SPPL3: variants seen among roughly 807,000 people sequenced by gnomAD.
SPPL3 encodes the protein signal peptide peptidase-like 3.
Under a neutral mutation model 42.4 loss-of-function variants are expected in SPPL3, and 5 were observed. The observed-to-expected ratio is 0.12, with a 90% confidence interval of 0.06 to 0.25. The LOEUF is 0.25. Among genes scored for constraint, SPPL3 ranks in the 10% least tolerant of loss-of-function variants. The pLI is 1.00. For missense variants in SPPL3, 235 were observed against 489.0 expected, an observed-to-expected ratio of 0.48 and a Z score of 4.90; for synonymous variants, 195 against 181.8, an observed-to-expected ratio of 1.07 and a Z score of -0.58.
At chr12:120,800,896 G>A (rs1870273451) in intron 2 of SPPL3, among the ~76,000 whole-genome samples, 2 of 152,366 alleles carry the variant, frequency 1.3e-5, no homozygotes, top group South Asian at 2.1e-4. Context: ...GTGCTTTACA[G>A]GCAAGGTTTC....
At chr12:120,808,979 C>T (rs1870591717) in intron 2 of SPPL3, among the ~76,000 whole-genome samples, 1 of 152,176 alleles carries the variant, frequency 6.6e-6, no homozygotes, top group Non-Finnish European at 1.5e-5. Context: ...TGATAAGGTT[C>T]TAAGTTCCTC....
intron 1 of SPPL3, among the ~76,000 whole-genome samples, chr12:120,813,671 A>T (rs1247929888): frequency 3.6e-5 from 4 of 112,004 alleles, no homozygotes; most frequent in Admixed American, 3.1e-4. Context: ...TGGGTATGTT[A>T]AAAAAAAAAT....
chr12:120,795,588 C>T (rs1038445682), intron 2 of SPPL3, among the ~76,000 whole-genome samples: 3 of 152,108 alleles, frequency 2.0e-5, no homozygotes, highest in Non-Finnish European at 2.9e-5. Context: ...TGACATCACC[C>T]TCATCTTTTC....
At chr12:120,843,047 T>C (rs1223494617) in intron 1 of SPPL3, among the ~76,000 whole-genome samples, 6 of 152,144 alleles carry the variant, frequency 3.9e-5, no homozygotes, top group Admixed American at 3.9e-4. Flanking sequence ...GTAGACTCAG[T>C]TAGTTAGTAT....
intron 3 of SPPL3, among the ~76,000 whole-genome samples, chr12:120,785,056 G>T (rs926028914): frequency 1.3e-5 from 2 of 152,128 alleles, no homozygotes; most frequent in Non-Finnish European, 2.9e-5. Flanking sequence ...GAACTGACTT[G>T]GCTGATGGGG....
intron 1 of SPPL3, chr12:120,845,775 A>G (rs1470690371): frequency 5.0e-6 from 1 of 201,036 alleles, no homozygotes; most frequent in East Asian, 1.2e-4. Context: ...ACAGCAACTT[A>G]AATGTCACCT....
At chr12:120,772,665 T>C (rs891820127) in intron 6 of SPPL3, among the ~76,000 whole-genome samples, 1 of 152,308 alleles carries the variant, frequency 6.6e-6, no homozygotes, top group East Asian at 1.9e-4. Context: ...AGTGGATAAA[T>C]ACAGCAGCTT....
chr12:120,901,676 TTTC>T (rs1195042862), intron 1 of SPPL3, among the ~76,000 whole-genome samples: 1 of 151,696 alleles, frequency 6.6e-6, no homozygotes. Flanking sequence ...ATGTAAAAAT[TTTC>T]TTCATCTCAA....
At chr12:120,895,147 G>C (rs1180413091) in intron 1 of SPPL3, among the ~76,000 whole-genome samples, 2 of 152,002 alleles carry the variant, frequency 1.3e-5, no homozygotes, top group Non-Finnish European at 2.9e-5. Flanking sequence ...GAAAAAACAG[G>C]TCGGGCATGG....
chr12:120,871,272 CCA>C lies in SPPL3; in HGVS notation c.23+32571_23+32572del, dbSNP rs1464675997. ...AATTTTATGTTATATATACATTTTA[CCA>C]CAGTTTTTTAAAAAGTAAAAAGAAA... On this transcript the variant is annotated intron_variant, in intron 1 of 10. Transcript: ENST00000353487. 7.9e-5 allele frequency among the ~76,000 whole-genome samples: 12 copies of C among 151,494 alleles called. No individual in the cohort carries two copies. In the Middle Eastern group the frequency reaches 0.028, roughly 348 times the overall value.
At chr12:120,816,097 AGCTGTAGCTACTGACTTTCTT>A (rs1870865048) in intron 1 of SPPL3, among the ~76,000 whole-genome samples, 1 of 152,074 alleles carries the variant, frequency 6.6e-6, no homozygotes, top group Non-Finnish European at 1.5e-5. Flanking sequence ...GCCTCTGAGG[AGCTGTAGCTACTGACTTTCTT>A]CATAGTCTGT....
intron 2 of SPPL3, among the ~76,000 whole-genome samples, chr12:120,797,340 C>T (rs186376379): frequency 6.6e-6 from 1 of 152,112 alleles, no homozygotes; most frequent in African/African-American, 2.4e-5. Context: ...TCTTCAACTT[C>T]AGAAATCTTT....
chr12:120,854,169 A>C (rs542761529), intron 1 of SPPL3, among the ~76,000 whole-genome samples: 1 of 152,318 alleles, frequency 6.6e-6, no homozygotes, highest in East Asian at 1.9e-4. Flanking sequence ...TTCAAGGAGT[A>C]AATGTAAGAA....
At chr12:120,870,306 G>A (rs534337838) in intron 1 of SPPL3, among the ~76,000 whole-genome samples, 117 of 152,164 alleles carry the variant, frequency 7.7e-4, no homozygotes, top group Non-Finnish European at 1.3e-3. Context: ...TTAGCTGGTC[G>A]TGGTGGCGCA....
At chr12:120,787,103 C>T (rs1042665627) in intron 3 of SPPL3, among the ~76,000 whole-genome samples, 1 of 152,178 alleles carries the variant, frequency 6.6e-6, no homozygotes, top group Non-Finnish European at 1.5e-5. Context: ...ACTGATTTTA[C>T]ACCTCCCTGT....
At chr12:120,793,319 G>A (rs946038710) in intron 2 of SPPL3, among the ~76,000 whole-genome samples, 3 of 152,184 alleles carry the variant, frequency 2.0e-5, no homozygotes, top group African/African-American at 7.2e-5. Context: ...AACACAGTGA[G>A]ACCCTGTCTC....
intron 1 of SPPL3, among the ~76,000 whole-genome samples, chr12:120,820,023 T>C (rs940569950): frequency 3.3e-5 from 5 of 152,168 alleles, no homozygotes; most frequent in Non-Finnish European, 5.9e-5. Context: ...ATGGACCCCA[T>C]GACAGGGTCT....
In SPPL3 at chr12:120,807,294, G is replaced by A. The variant is rs145642160; in HGVS notation, c.101+3515C>T. Among the ~76,000 whole-genome samples the A allele has an allele frequency of 1.7e-3, 264 of 152,094 alleles. 2 individuals carry two copies. The highest frequency in any genetic ancestry group is 6.1e-3 in the African/African-American group (251 of 41,484). On this transcript the variant is annotated intron_variant, in intron 2 of 10. Transcript: ENST00000353487. ...TTTCAGAAAGCCCTTACCTGTCACC[G>A]AAGGGTACACTAAAAAATGGTTTAA... is the stretch of plus-strand genomic sequence containing the variant.
Position 120,860,733 on chromosome 12 carries a change from C to A in SPPL3, c.23+43112G>T, listed in dbSNP as rs186263025. Among the ~76,000 whole-genome samples the A allele has an allele frequency of 4.0e-3, 608 of 152,228 alleles. 3 individuals are homozygous for A. Among genetic ancestry groups the A allele is most frequent in the African/African-American group, 0.013 (547 of 41,516 alleles). ...AGAGGAAGGAGAAATTAGTCTGGTA[C>A]TTTGCTAGAAATAGTAAGAGAAGTA... On this transcript the variant is annotated intron_variant, in intron 1 of 10. Coordinates refer to ENST00000353487, the MANE Select transcript of SPPL3 (RefSeq NM_139015.5).
Sources: allele counts gnomAD v4.1 joint callset (sites outside exome capture counted in the v4.1 genomes callset), GRCh38; gene constraint gnomAD v4.1.1; transcripts MANE v1.5; gene names NCBI Gene and HGNC (gene_info 2026-07-23, HGNC 2026-07-21).